The following FAT3 variants were observed in gnomAD, a reference collection of about 807,000 sequenced individuals.
FAT3 encodes the protein FAT atypical cadherin 3, also known as protocadherin Fat 3.
A neutral mutation model predicts 310.2 loss-of-function variants in FAT3; 95 were observed. The observed-to-expected ratio is 0.31, with a 90% CI of 0.26 to 0.36. The LOEUF (loss-of-function observed/expected upper bound fraction) is 0.36. FAT3 is among the 10% of genes least tolerant of loss of function. The pLI is 1.00. For synonymous variants in FAT3, 2,314 were observed against 2,192.9 expected, an observed-to-expected ratio of 1.06 and a Z score of -1.54; for missense variants, 5,408 against 5,715.6, an observed-to-expected ratio of 0.95 and a Z score of 1.74.
chr11:92,323,222 T>C (rs1308307137), intron 1 of FAT3, among the ~76,000 whole-genome samples: 1 of 151,852 alleles, frequency 6.6e-6, no homozygotes, highest in East Asian at 1.9e-4. Context: ...TATACATACA[T>C]ATATATATGT....
intron 3 of FAT3, among the ~76,000 whole-genome samples, chr11:92,635,523 T>C (rs1013902078): frequency 3.9e-5 from 6 of 152,234 alleles, no homozygotes; most frequent in African/African-American, 1.4e-4. Context: ...GTTTTAATTA[T>C]ATGGAGAAGA....
At chr11:92,588,459 C>A (rs1591490075) in intron 3 of FAT3, among the ~76,000 whole-genome samples, 2 of 152,132 alleles carry the variant, frequency 1.3e-5, no homozygotes, top group South Asian at 4.1e-4. Flanking sequence ...TTGGCAACTT[C>A]CTACTGATTT....
chr11:92,804,459 G>A (rs1014113561), intron 10 of FAT3, among the ~76,000 whole-genome samples: 2 of 152,020 alleles, frequency 1.3e-5, no homozygotes, highest in African/African-American at 4.8e-5. Flanking sequence ...ATATTGCTGG[G>A]ACCACTGTCC....
intron 3 of FAT3, among the ~76,000 whole-genome samples, chr11:92,656,580 C>A (rs908484252): frequency 6.6e-6 from 1 of 152,172 alleles, no homozygotes; most frequent in South Asian, 2.1e-4. Context: ...ACCATTAGTT[C>A]TGCTTTTTTT....
intron 1 of FAT3, among the ~76,000 whole-genome samples, chr11:92,341,284 C>T (rs1565239099): frequency 6.6e-6 from 1 of 152,122 alleles, no homozygotes; most frequent in Non-Finnish European, 1.5e-5. Flanking sequence ...GCCTCGGGCT[C>T]TTTAGTGGAG....
chr11:92,530,430 C>T (rs146314177), intron 3 of FAT3, among the ~76,000 whole-genome samples: 12 of 152,156 alleles, frequency 7.9e-5, no homozygotes, highest in East Asian at 1.9e-4. Flanking sequence ...CAACATCTTA[C>T]GGGGCTGAGG....
At chr11:92,685,960 TAA>T (rs1305341882) in intron 3 of FAT3, among the ~76,000 whole-genome samples, 1 of 152,194 alleles carries the variant, frequency 6.6e-6, no homozygotes, top group Non-Finnish European at 1.5e-5. Flanking sequence ...TGTTTCCACT[TAA>T]GTTTATATGG....
chr11:92,362,557 G>C (rs777970946), intron 2 of FAT3, among the ~76,000 whole-genome samples: 1 of 152,166 alleles, frequency 6.6e-6, no homozygotes, highest in Non-Finnish European at 1.5e-5. Context: ...CTGTGGGCTG[G>C]ATGCATCCCT....
rs996013842 is a variant in FAT3 at position 92,801,663 on chromosome 11, G to A, written c.8650G>A (p.Glu2884Lys). Reference sequence around the variant, plus strand: ...CAGTACCTTGAAGGACCTAGATCACGAGACAGACCCCACATTCACCTTCTC... The same window carrying A: ...CAGTACCTTGAAGGACCTAGATCACAAGACAGACCCCACATTCACCTTCTC... ...WISTLKDLDH[E>K]TDPTFTFSVV... Residue 2884 changes from glutamate (E) to lysine (K), a missense_variant, in exon 10 of 28, where the codon GAG (glutamate) becomes AAG (lysine). Coordinates refer to ENST00000525166, the MANE Select transcript of FAT3 (RefSeq NM_001367949.2). 1.2e-6 allele frequency: 2 copies of A among 1,613,856 alleles called. No homozygotes were observed. The highest frequency in any genetic ancestry group is 1.7e-6 in the Non-Finnish European group (2 of 1,179,848).
chr11:92,521,876 T>A (rs1953697112), intron 2 of FAT3, among the ~76,000 whole-genome samples: 1 of 152,150 alleles, frequency 6.6e-6, no homozygotes, highest in Admixed American at 6.6e-5. Context: ...GAGTCTTTGG[T>A]CTTCCTAGTA....
At chr11:92,801,938 G>T (rs1190917220) in intron 10 of FAT3, 29 bp downstream of exon 10, 2 of 1,582,294 alleles carry the variant, frequency 1.3e-6, no homozygotes, top group East Asian at 2.2e-5. Context: ...TTTTCATTAT[G>T]TGCACTGCTT....
At chr11:92,414,806 C>T (rs966221513) in intron 2 of FAT3, among the ~76,000 whole-genome samples, 2 of 152,050 alleles carry the variant, frequency 1.3e-5, no homozygotes, top group South Asian at 2.1e-4. Context: ...GTCGGGAGAT[C>T]GGGATCATCC....
intron 1 of FAT3, among the ~76,000 whole-genome samples, chr11:92,293,307 TTTC>T (rs1215471403): frequency 4.0e-5 from 6 of 151,662 alleles, no homozygotes; most frequent in Non-Finnish European, 5.9e-5. Flanking sequence ...GGGTAGGGGC[TTTC>T]ACTTGTGAGA....
rs778235189 is a variant in FAT3 at position 92,800,388 on chromosome 11, C to A, written c.7375C>A (p.Gln2459Lys). 5.7e-5 allele frequency: 92 copies of A among 1,613,852 alleles called. No homozygotes were observed. Among genetic ancestry groups the A allele is most frequent in the Middle Eastern group, 1.6e-4 (1 of 6,084 alleles). Residue 2459 changes from glutamine to lysine, a missense_variant, in exon 10 of 28, where the codon CAG becomes AAG. Physicochemically the swap from Gln to Lys is moderately conservative, Grantham distance 53. Around this residue, in one of 5 missense-constraint regions of FAT3, gnomAD observed 4,588 missense variants for 4,809.8 expected, o/e 0.95. Transcript: ENST00000525166. The stretch of plus-strand genomic sequence containing the variant: ...TATCACATTGTCCAACCATCGGAAG[C>A]AGCGGATGGAGCCTCTGTACAGTCT... ...GVITLSNHRK[Q>K]RMEPLYSLNV...
intron 19 of FAT3, among the ~76,000 whole-genome samples, chr11:92,851,151 T>G (rs993505778): frequency 6.6e-6 from 1 of 152,110 alleles, no homozygotes; most frequent in Non-Finnish European, 1.5e-5. Context: ...GTGCCTACAG[T>G]GCACACAGAA....
At chr11:92,235,527 T>G (rs1326395868) in intron 1 of FAT3, among the ~76,000 whole-genome samples, 1 of 152,128 alleles carries the variant, frequency 6.6e-6, no homozygotes, top group Non-Finnish European at 1.5e-5. Context: ...CTCCCACTCT[T>G]ATTGCTATAT....
In FAT3 at chr11:92,723,659, C is replaced by T. The variant is rs565946731; in HGVS notation, c.3669+26214C>T. On this transcript the variant is annotated intron_variant, in intron 4 of 27. Coordinates refer to ENST00000525166, the MANE Select transcript of FAT3 (RefSeq NM_001367949.2). ...TTACAAAAGAAAGAGGTTTATTGGA[C>T]TTACAGTTTCACGTGGCTGGGGAGG... Among the ~76,000 whole-genome samples, 5 of 152,306 alleles carry T rather than the reference C, an allele frequency of 3.3e-5. No individual in the cohort carries two copies. The South Asian group carries it at 1.0e-3, about 32-fold the overall frequency.
chr11:92,257,782 G>A (rs1393091471), intron 1 of FAT3, among the ~76,000 whole-genome samples: 1 of 152,136 alleles, frequency 6.6e-6, no homozygotes, highest in East Asian at 1.9e-4. Context: ...TTTGGGTGCA[G>A]TTAGAACTAC....
chr11:92,368,857 C>CAT (rs1949097667), intron 2 of FAT3, among the ~76,000 whole-genome samples: 2 of 105,644 alleles, frequency 1.9e-5, no homozygotes, highest in African/African-American at 1.2e-4. Flanking sequence ...TACACACATA[C>CAT]ACATATATAT....
Sources: gnomAD v4.1 joint callset for allele counts (sites outside exome capture counted in the v4.1 genomes callset) on GRCh38, gnomAD v4.1.1 for gene constraint, gnomAD v4.1.1 regional missense constraint, MANE v1.5 for transcripts, NCBI Gene and HGNC (gene_info 2026-07-23, HGNC 2026-07-21) for gene names.